The following DCAF16 variants were observed in gnomAD, a reference collection of about 807,000 sequenced individuals.
DCAF16 encodes the protein DDB1- and CUL4-associated factor 16.
A neutral mutation model predicts 17.3 loss-of-function variants in DCAF16; 10 were observed. The ratio of observed to expected loss-of-function variants is 0.58; its 90% CI spans 0.36 to 0.98. DCAF16 has a LOEUF of 0.98. DCAF16 is among the 50% of genes least tolerant of loss of function. DCAF16 has a pLI of 0.01. For synonymous variants in DCAF16, 111 were observed against 92.8 expected, an observed-to-expected ratio of 1.20 and a Z score of -1.12; for missense variants, 249 against 247.6, an observed-to-expected ratio of 1.01 and a Z score of -0.04.
chr4:17,795,105 G>T, the DCAF16 span, among the ~76,000 whole-genome samples: 7 of 152,266 alleles, frequency 4.6e-5, no homozygotes, highest in Admixed American at 4.6e-4. Context: ...AAGTCTTAAG[G>T]TATCTTTATT....
At chr4:17,794,486 C>T in the DCAF16 span, among the ~76,000 whole-genome samples, 1 of 152,096 alleles carries the variant, frequency 6.6e-6, no homozygotes, top group Admixed American at 6.6e-5. Context: ...ATTAGGAATG[C>T]TCAACCTGTA....
At chr4:17,793,662 T>C in the DCAF16 span, among the ~76,000 whole-genome samples, 1 of 152,166 alleles carries the variant, frequency 6.6e-6, no homozygotes, top group African/African-American at 2.4e-5. Flanking sequence ...CTAACAGATC[T>C]TTAGAAAAGA....
the DCAF16 span, among the ~76,000 whole-genome samples, chr4:17,795,285 C>T: frequency 1.3e-5 from 2 of 152,198 alleles, no homozygotes; most frequent in South Asian, 4.1e-4. Flanking sequence ...TTCTCCGCTA[C>T]ATTTATTGGG....
intron 1 of DCAF16, among the ~76,000 whole-genome samples, chr4:17,807,186 A>G (rs1293572415): frequency 6.6e-6 from 1 of 152,224 alleles, no homozygotes; most frequent in East Asian, 1.9e-4. Context: ...CCAGGGAAAG[A>G]CTTCTTAAAC....
At chr4:17,796,414 A>G (rs899938981), downstream of DCAF16, among the ~76,000 whole-genome samples, 13 of 152,166 alleles carry the variant, frequency 8.5e-5, no homozygotes, top group African/African-American at 3.1e-4. Context: ...GTAACTGCTT[A>G]AAACACACAC....
At chr4:17,796,948 C>T (rs1176439918), downstream of DCAF16, among the ~76,000 whole-genome samples, 2 of 151,960 alleles carry the variant, frequency 1.3e-5, no homozygotes, top group African/African-American at 2.4e-5. Flanking sequence ...CTTCCTTGCC[C>T]CCAGTCTCTT....
downstream of DCAF16, among the ~76,000 whole-genome samples, chr4:17,799,475 T>C (rs770423782): frequency 1.1e-4 from 16 of 152,200 alleles, no homozygotes; most frequent in Non-Finnish European, 1.3e-4. Context: ...CAATATTGGA[T>C]GAATGGCTAA....
chr4:17,798,774 C>T (rs564643283), downstream of DCAF16, among the ~76,000 whole-genome samples: 30 of 152,222 alleles, frequency 2.0e-4, no homozygotes, highest in South Asian at 5.6e-3. Flanking sequence ...AGTCTCACTG[C>T]GGCTGCTAAT....
At position 17,801,395 on chromosome 4, in the gene DCAF16, G is replaced by A. The variant is rs563997778; in HGVS notation, c.*2096C>T. The A allele has an allele frequency of 6.6e-6, 1 of 152,160 alleles. No individual in the cohort carries two copies. Among genetic ancestry groups the A allele is most frequent in the Non-Finnish European group, 1.5e-5 (1 of 68,050 alleles). 9.4% of individuals were successfully genotyped at this position (152,160 alleles called of 1,614,324 possible). A position where few individuals can be genotyped will look rare whatever the true frequency, so the allele number is the denominator to read the frequency against. ...CCACCTGCCCTCAGCCTCCCAAACT[G>A]TTGGGATTACAGGCATGAGCCACCA... On this transcript the variant is annotated 3_prime_UTR_variant, in exon 3 of 3. Transcript: ENST00000382247.
chr4:17,796,901 A>G (rs1719455138), downstream of DCAF16, among the ~76,000 whole-genome samples: 1 of 152,172 alleles, frequency 6.6e-6, no homozygotes, highest in Non-Finnish European at 1.5e-5. Context: ...ATAAATAAAT[A>G]TATAAGAAAT....
downstream of DCAF16, among the ~76,000 whole-genome samples, chr4:17,796,439 G>A (rs369992616): frequency 1.1e-4 from 16 of 152,122 alleles, no homozygotes; most frequent in African/African-American, 2.4e-4. Context: ...GGCCAGGTGC[G>A]GTGGCTCACG....
downstream of DCAF16, among the ~76,000 whole-genome samples, chr4:17,799,561 A>G (rs1719596324): frequency 6.6e-6 from 1 of 152,262 alleles, no homozygotes; most frequent in African/African-American, 2.4e-5. Context: ...CCAAAAGTAG[A>G]AAGCCAGATG....
intron 1 of DCAF16, among the ~76,000 whole-genome samples, 183 bp downstream of exon 1, chr4:17,810,264 C>T (rs1166397322): frequency 6.6e-6 from 1 of 152,202 alleles, no homozygotes; most frequent in Non-Finnish European, 1.5e-5. Context: ...AATACACTGT[C>T]CTTATGCACA....
intron 2 of DCAF16, 130 bp downstream of exon 2, chr4:17,804,977 T>G (rs2109023085): frequency 6.6e-6 from 1 of 152,420 alleles, no homozygotes; most frequent in Admixed American, 6.5e-5. Flanking sequence ...ATTTTAATTC[T>G]TTGTTGGTAC....
chr4:17,795,832 G>T (rs7672919), downstream of DCAF16, among the ~76,000 whole-genome samples: 38,618 of 152,094 alleles, frequency 0.25, 6,566 homozygotes, highest in African/African-American at 0.48. Flanking sequence ...TGTATATGAA[G>T]GAGCAGGCCT....
chr4:17,800,491 A>G (rs1180976118), downstream of DCAF16, among the ~76,000 whole-genome samples: 1 of 151,728 alleles, frequency 6.6e-6, no homozygotes. Flanking sequence ...TTTCTTCTTC[A>G]AGTGTGTTTC....
At chr4:17,795,426 C>T in the DCAF16 span, among the ~76,000 whole-genome samples, 17,988 of 151,948 alleles carry the variant, frequency 0.12, 1,205 homozygotes, top group South Asian at 0.26. Flanking sequence ...TTATTATTTC[C>T]GGGAAATGTT....
downstream of DCAF16, among the ~76,000 whole-genome samples, chr4:17,796,672 G>A (rs921261118): frequency 1.1e-4 from 17 of 152,132 alleles, no homozygotes; most frequent in Non-Finnish European, 1.9e-4. Context: ...GCACCACTGC[G>A]TTCCAGCCTG....
In DCAF16 at chr4:17,803,030, C is replaced by CT. The variant is rs35039817; in HGVS notation, c.*460dup. 0.077 allele frequency: 11,398 copies of CT among 148,456 alleles called. 532 individuals are homozygous for CT. The highest frequency in any genetic ancestry group is 0.11 in the Non-Finnish European group (7,452 of 67,934). 9.2% of individuals were successfully genotyped at this position (148,456 alleles called of 1,614,324 possible). On this transcript the variant is annotated 3_prime_UTR_variant, in exon 3 of 3. Transcript: ENST00000382247. ...AATATGGTCCCCTTAACTAATTCTC[C>CT]TTTTTTTTTTTTGAGACTGAGTCTC...
Sources: gnomAD v4.1 joint callset for allele counts (sites outside exome capture counted in the v4.1 genomes callset) on GRCh38, gnomAD v4.1.1 for gene constraint, MANE v1.5 for transcripts, NCBI Gene and HGNC (gene_info 2026-07-23, HGNC 2026-07-21) for gene names.